ROBO2: variants seen among roughly 807,000 people sequenced by gnomAD.
The protein encoded by ROBO2 is roundabout guidance receptor 2, also known as roundabout homolog 2.
Under a neutral mutation model 160.8 loss-of-function variants are expected in ROBO2, and 53 were observed. The ratio of observed to expected loss-of-function variants is 0.33; its 90% CI spans 0.26 to 0.41. The LOEUF (loss-of-function observed/expected upper bound fraction) is 0.41, where lower values mean the gene tolerates loss of function less well. ROBO2 is among the 10% of genes least tolerant of loss of function. ROBO2 has a pLI of 1.00. For synonymous variants in ROBO2, 664 were observed against 611.7 expected (o/e 1.09, Z -1.26); for missense variants, 1,577 against 1,722.4 (o/e 0.92, Z 1.49).
At chr3:75,955,912 A>G (rs1218139556) in intron 2 of ROBO2, among the ~76,000 whole-genome samples, 1 of 151,814 alleles carries the variant, frequency 6.6e-6, no homozygotes, top group African/African-American at 2.4e-5. Context: ...AAAATAGGCT[A>G]TAACTTCATA....
At chr3:76,830,458 G>A (rs1033144189) in intron 2 of ROBO2, among the ~76,000 whole-genome samples, 1 of 151,848 alleles carries the variant, frequency 6.6e-6, no homozygotes, top group Non-Finnish European at 1.5e-5. Flanking sequence ...CCTTTCCAAT[G>A]CAAATATCTA....
intron 2 of ROBO2, among the ~76,000 whole-genome samples, chr3:76,788,460 A>G (rs1402251235): frequency 1.3e-5 from 2 of 151,502 alleles, no homozygotes. Flanking sequence ...AGGGAAGTTA[A>G]TGTGTCTAAG....
At chr3:77,442,996 T>C (rs1560846370) in intron 2 of ROBO2, among the ~76,000 whole-genome samples, 1 of 152,214 alleles carries the variant, frequency 6.6e-6, no homozygotes, top group Non-Finnish European at 1.5e-5. Context: ...TGGAATATAA[T>C]GTGTCTGAGT....
chr3:76,593,653 C>T (rs983271968), intron 2 of ROBO2, among the ~76,000 whole-genome samples: 1 of 151,928 alleles, frequency 6.6e-6, no homozygotes, highest in Non-Finnish European at 1.5e-5. Context: ...AATGAATGTA[C>T]TTTATCATCT....
At chr3:77,627,761 A>G (rs957197327) in intron 23 of ROBO2, among the ~76,000 whole-genome samples, 2 of 152,200 alleles carry the variant, frequency 1.3e-5, no homozygotes, top group Non-Finnish European at 2.9e-5. Flanking sequence ...ATTTAATAGG[A>G]AAAGTTCATA....
intron 1 of ROBO2, among the ~76,000 whole-genome samples, chr3:77,091,006 G>GA (rs2070160741): frequency 6.6e-6 from 1 of 152,164 alleles, no homozygotes; most frequent in Non-Finnish European, 1.5e-5. Flanking sequence ...TTTGCTGGAG[G>GA]AAGTATATTT....
chr3:77,638,174 G>A (rs760853549), intron 24 of ROBO2, among the ~76,000 whole-genome samples: 2 of 152,184 alleles, frequency 1.3e-5, no homozygotes, highest in Middle Eastern at 6.8e-3. Context: ...GCATTTATAT[G>A]GTATGGATCC....
At chr3:76,751,172 C>G (rs1016876858) in intron 2 of ROBO2, among the ~76,000 whole-genome samples, 1 of 151,994 alleles carries the variant, frequency 6.6e-6, no homozygotes, top group Non-Finnish European at 1.5e-5. Flanking sequence ...CTTTGATAAA[C>G]CTGACAAAAA....
chr3:76,129,160 A>T (rs1231365917), intron 2 of ROBO2, among the ~76,000 whole-genome samples: 1 of 152,010 alleles, frequency 6.6e-6, no homozygotes, highest in Non-Finnish European at 1.5e-5. Context: ...GGCGAGGGTG[A>T]TGGAGGTCAC....
chr3:76,676,860 A>G (rs1417695383), intron 2 of ROBO2, among the ~76,000 whole-genome samples: 1 of 151,628 alleles, frequency 6.6e-6, no homozygotes, highest in Non-Finnish European at 1.5e-5. Context: ...CCTTTTTCTT[A>G]TCATTTGAGG....
At chr3:76,311,131 G>A (rs2071561919) in intron 2 of ROBO2, 1 of 152,190 alleles carries the variant, frequency 6.6e-6, no homozygotes, top group African/African-American at 2.4e-5. Context: ...GGATCCGTGA[G>A]AAATGTAGCT....
At chr3:76,702,367 G>T (rs1243808230) in intron 2 of ROBO2, among the ~76,000 whole-genome samples, 5 of 151,984 alleles carry the variant, frequency 3.3e-5, no homozygotes, top group Non-Finnish European at 7.4e-5. Flanking sequence ...AGTTAATACG[G>T]GGAAATGAGT....
chr3:76,309,117 A>T lies in ROBO2; in HGVS notation c.109+371515A>T, dbSNP rs1233557242. Among the ~76,000 whole-genome samples, 4 of 152,158 alleles carry T rather than the reference A, an allele frequency of 2.6e-5. No individual in the cohort carries two copies. In the East Asian group the frequency reaches 7.7e-4, roughly 29 times the overall value. Reference sequence around the variant, plus strand: ...TTGAAGAGGGATGGAGCCAGCGGAAAGTAAATGGGTTTAGTTGTAGAGTCC... The same window carrying T: ...TTGAAGAGGGATGGAGCCAGCGGAATGTAAATGGGTTTAGTTGTAGAGTCC... On this transcript the variant is annotated intron_variant, in intron 2 of 26. Coordinates refer to the ROBO2 transcript ENST00000487694.
chr3:76,623,257 C>T (rs895626480), intron 2 of ROBO2, among the ~76,000 whole-genome samples: 5 of 152,098 alleles, frequency 3.3e-5, no homozygotes, highest in Non-Finnish European at 7.4e-5. Flanking sequence ...TAACTTTTTT[C>T]CAGGTAGCTA....
At chr3:76,870,805 TA>T (rs34389469) in intron 2 of ROBO2, among the ~76,000 whole-genome samples, 4 of 150,916 alleles carry the variant, frequency 2.7e-5, no homozygotes, top group African/African-American at 4.9e-5. Flanking sequence ...AACAAAACAT[TA>T]AAAAAAAACA....
chr3:76,028,017 G>A (rs1174202612), intron 2 of ROBO2, among the ~76,000 whole-genome samples: 1 of 151,720 alleles, frequency 6.6e-6, no homozygotes, highest in Non-Finnish European at 1.5e-5. Flanking sequence ...TTAGGCTATT[G>A]GCAAAAAGTG....
chr3:77,489,716 G>T (rs1344120780), intron 4 of ROBO2, among the ~76,000 whole-genome samples: 1 of 152,140 alleles, frequency 6.6e-6, no homozygotes, highest in Admixed American at 6.5e-5. Flanking sequence ...TATTTTAATG[G>T]AACTGGTCTC....
intron 2 of ROBO2, among the ~76,000 whole-genome samples, chr3:76,796,511 AGAAG>A (rs144512442): frequency 0.33 from 46,984 of 144,362 alleles, 9,970 homozygotes; most frequent in African/African-American, 0.6. Flanking sequence ...AAAGAAGGAA[AGAAG>A]GAAGGAAGGA....
At chr3:77,478,819 C>T (rs890173793) in intron 3 of ROBO2, among the ~76,000 whole-genome samples, 2 of 152,126 alleles carry the variant, frequency 1.3e-5, no homozygotes, top group African/African-American at 4.8e-5. Context: ...ACTAGATAGG[C>T]TGTGGAAGGG....
Sources: gnomAD v4.1 joint callset for allele counts (sites outside exome capture counted in the v4.1 genomes callset) on GRCh38, gnomAD v4.1.1 for gene constraint, MANE v1.5 for transcripts, NCBI Gene and HGNC (gene_info 2026-07-23, HGNC 2026-07-21) for gene names.